The following CRTAP variants were observed in gnomAD, a reference collection of about 807,000 sequenced individuals.
CRTAP encodes cartilage-associated protein.
CRTAP carries 33 observed loss-of-function variants against 42.7 expected under a neutral mutation model. The observed-to-expected ratio is 0.77, with a 90% CI of 0.59 to 1.03. The LOEUF (loss-of-function observed/expected upper bound fraction) is 1.03. CRTAP is among the 50% of genes least tolerant of loss of function. The pLI is 0.00. For synonymous variants in CRTAP, 243 were observed against 217.7 expected (o/e 1.12, Z -1.02); for missense variants, 613 against 533.9 (o/e 1.15, Z -1.46).
intron 1 of CRTAP, among the ~76,000 whole-genome samples, chr3:33,119,633 G>A (rs1701390926): frequency 6.6e-6 from 1 of 152,218 alleles, no homozygotes; most frequent in Admixed American, 6.5e-5. Context: ...TTAGCAGAAG[G>A]TCTGTGGGGG....
intron 2 of CRTAP, among the ~76,000 whole-genome samples, chr3:33,122,709 C>CAAAAAAAAAA (rs58820155): frequency 5.7e-5 from 5 of 87,522 alleles, no homozygotes; most frequent in South Asian, 4.3e-4. Flanking sequence ...GACTCTGTCT[C>CAAAAAAAAAA]AAAAAAAAAA....
At chr3:33,135,941 C>A (rs2030407647) in intron 6 of CRTAP, among the ~76,000 whole-genome samples, 2 of 152,138 alleles carry the variant, frequency 1.3e-5, no homozygotes, top group East Asian at 3.8e-4. Context: ...CTTGTTATAT[C>A]CACAAAATTT....
intron 3 of CRTAP, among the ~76,000 whole-genome samples, chr3:33,127,628 A>C (rs2030116185): frequency 6.6e-6 from 1 of 150,714 alleles, no homozygotes; most frequent in South Asian, 2.1e-4. Flanking sequence ...TTATATTTTT[A>C]GTAGAGACGG....
Position 33,142,717 on chromosome 3 carries a change from C to T in CRTAP, c.*269C>T, listed in dbSNP as rs143237314. ...TTGCCCAGGCTGGAGTGCAATGGCA[C>T]GTTCTCAGCTCACTGCAACCTCCGC... On this transcript the variant is annotated 3_prime_UTR_variant, in exon 7 of 7. Coordinates refer to ENST00000320954, the MANE Select transcript of CRTAP (RefSeq NM_006371.5). 14,847 of 417,610 alleles carry T rather than the reference C, an allele frequency of 0.036. 381 individuals are homozygous for T. The highest frequency in any genetic ancestry group is 0.05 in the Non-Finnish European group (11,132 of 223,740). 25.9% of individuals were successfully genotyped at this position (417,610 alleles called of 1,614,324 possible).
At chr3:33,114,782 C>T (rs1448134198) in intron 1 of CRTAP, among the ~76,000 whole-genome samples, 1 of 152,230 alleles carries the variant, frequency 6.6e-6, no homozygotes, top group Admixed American at 6.5e-5. Context: ...GTACACAGAA[C>T]GCAGTACAGC....
At position 33,114,651 on chromosome 3, in the gene CRTAP, C is replaced by A. The variant is rs1289735656; in HGVS notation, c.471+103C>A. ...CCGGGGCCGCGTTGCCCCTCCAGTT[C>A]TAGACCTGGCTCCCTCCCATCCAGC... On this transcript the variant is annotated intron_variant, in intron 1 of 6. Transcript: ENST00000320954. 7.4e-6 allele frequency: 8 copies of A among 1,075,822 alleles called. No homozygotes were observed. In the African/African-American group the frequency reaches 1.1e-4, roughly 15 times the overall value. 66.6% of individuals were successfully genotyped at this position (1,075,822 alleles called of 1,614,324 possible). A position where few individuals can be genotyped will look rare whatever the true frequency, so the allele number is the denominator to read the frequency against.
rs4074416 is a variant in CRTAP at position 33,120,237 on chromosome 3, A to G, written c.472-107A>G. 0.14 allele frequency: 141,247 copies of G among 1,025,054 alleles called. 16,854 individuals are homozygous for G. Among genetic ancestry groups the G allele is most frequent in the East Asian group, 0.6 (25,183 of 41,626 alleles). The allele number at this position is 1,025,054 out of a possible 1,614,324, so 63.5% of individuals were successfully genotyped here. On this transcript the variant is annotated intron_variant, in intron 1 of 6. Transcript: ENST00000320954. ...GAAGTCATGGAACCTTTAGCTGGAA[A>G]AGTTATAGCAACACAAAGTTTCTGA...
At chr3:33,128,282 T>C (rs1454254791) in intron 3 of CRTAP, among the ~76,000 whole-genome samples, 2 of 152,204 alleles carry the variant, frequency 1.3e-5, no homozygotes, top group Admixed American at 6.5e-5. Context: ...CCTTTTTTTT[T>C]CCTGGTACAG....
Position 33,120,355 on chromosome 3 carries a change from C to G in CRTAP, c.483C>G (p.Leu161=). 1 of 1,614,064 alleles carries G rather than the reference C, an allele frequency of 6.2e-7. No individual in the cohort carries two copies. Among genetic ancestry groups the G allele is most frequent in the Non-Finnish European group, 8.5e-7 (1 of 1,179,934 alleles). Reference sequence around the variant, plus strand: ...CTTTGTCCTTTTAGGCAAATAATCTCCCCAAAGCCATCGCCGCTGCTCACA... The same window carrying G: ...CTTTGTCCTTTTAGGCAAATAATCTGCCCAAAGCCATCGCCGCTGCTCACA... ...LQFAYFKANN[L]PKAIAAAHTF... Residue 161 remains leucine (L), a synonymous_variant, in exon 2 of 7, where the codon CTC becomes CTG. Coordinates refer to ENST00000320954, the MANE Select transcript of CRTAP (RefSeq NM_006371.5).
In CRTAP at chr3:33,147,446, G is replaced by C. The variant is rs1323382933; in HGVS notation, c.*4998G>C. Reference sequence around the variant, plus strand: ...CCCACACAAATAGCTGGCTTTCGTTGCTTGTTGAATGAATGAGTGAGTTGG... The same window carrying C: ...CCCACACAAATAGCTGGCTTTCGTTCCTTGTTGAATGAATGAGTGAGTTGG... On this transcript the variant is annotated 3_prime_UTR_variant, in exon 7 of 7. Transcript: ENST00000320954. 1.3e-5 allele frequency: 2 copies of C among 152,606 alleles called. No individual in the cohort carries two copies. The highest frequency in any genetic ancestry group is 4.8e-5 in the African/African-American group (2 of 41,462). The allele number at this position is 152,606 out of a possible 1,614,324, so 9.5% of individuals were successfully genotyped here. A position where few individuals can be genotyped will look rare whatever the true frequency, so the allele number is the denominator to read the frequency against.
At chr3:33,123,458 TCTTC>T (rs1187133663) in intron 2 of CRTAP, among the ~76,000 whole-genome samples, 1 of 20,812 alleles carries the variant, frequency 4.8e-5, no homozygotes, top group Non-Finnish European at 1.9e-4. Context: ...CTCCCCGCTC[TCTTC>T]CTTCTTCTCT....
chr3:33,127,429 ATTG>A (rs1187445241), intron 3 of CRTAP, among the ~76,000 whole-genome samples: 2 of 151,708 alleles, frequency 1.3e-5, no homozygotes, highest in African/African-American at 4.8e-5. Flanking sequence ...TATAATTATT[ATTG>A]TTATTATTTT....
rs1055961621 is a variant in CRTAP at position 33,146,909 on chromosome 3, A to G, written c.*4461A>G. On this transcript the variant is annotated 3_prime_UTR_variant, in exon 7 of 7. Transcript: ENST00000320954. ...ACTTCAGTTAAAAAAAAAAAAATCA[A>G]TACTTAAACTGTAGGGAAAAGGTGG... 4 of 152,624 alleles carry G rather than the reference A, an allele frequency of 2.6e-5. No homozygotes were observed. The highest frequency in any genetic ancestry group is 9.7e-5 in the African/African-American group (4 of 41,424). 9.5% of individuals were successfully genotyped at this position (152,624 alleles called of 1,614,324 possible).
chr3:33,132,454 T>TGAAA, intron 4 of CRTAP, 101 bp from the exon 5 acceptor site: 1 of 1,525,186 alleles, frequency 6.6e-7, no homozygotes, highest in Admixed American at 1.7e-5. Flanking sequence ...AGAAGGACTG[T>TGAAA]GGAGAAGGGG....
intron 3 of CRTAP, among the ~76,000 whole-genome samples, chr3:33,126,129 C>T (rs1376004560): frequency 6.6e-6 from 1 of 152,188 alleles, no homozygotes; most frequent in Non-Finnish European, 1.5e-5. Context: ...CCCCATATCC[C>T]CTTCCCCCCA....
At chr3:33,118,135 CT>C (rs1238644018) in intron 1 of CRTAP, among the ~76,000 whole-genome samples, 1 of 151,928 alleles carries the variant, frequency 6.6e-6, no homozygotes, top group African/African-American at 2.4e-5. Flanking sequence ...TAATTTTTGT[CT>C]TTTTAGTAGA....
chr3:33,117,651 C>CT (rs1427623382), intron 1 of CRTAP, among the ~76,000 whole-genome samples: 13 of 152,232 alleles, frequency 8.5e-5, no homozygotes, highest in Admixed American at 7.2e-4. Context: ...GCTGTGGCCT[C>CT]TAACTCCCCG....
intron 3 of CRTAP, among the ~76,000 whole-genome samples, chr3:33,129,247 C>T (rs1443137450): frequency 2.0e-5 from 3 of 152,164 alleles, no homozygotes. Context: ...TTGCTTCCAT[C>T]AACAGAATAT....
intron 3 of CRTAP, 102 bp downstream of exon 3, chr3:33,124,681 G>C: frequency 7.1e-7 from 1 of 1,405,828 alleles, no homozygotes; most frequent in Non-Finnish European, 1.0e-6. Flanking sequence ...CAGCCTCTGA[G>C]GAATTTTTGA....
Sources: gnomAD v4.1 joint callset for allele counts (sites outside exome capture counted in the v4.1 genomes callset) on GRCh38, gnomAD v4.1.1 for gene constraint, MANE v1.5 for transcripts, NCBI Gene and HGNC (gene_info 2026-07-23, HGNC 2026-07-21) for gene names.